The following ZNG1F variants were observed in gnomAD, a reference collection of about 807,000 sequenced individuals.
ZNG1F encodes Zn regulated GTPase metalloprotein activator 1F, also known as zinc-regulated GTPase metalloprotein activator 1F.
chr9:41,203,292 T>C, the ZNG1F span, among the ~76,000 whole-genome samples: 7 of 152,302 alleles, frequency 4.6e-5, no homozygotes, highest in South Asian at 2.1e-4. Context: ...ATACTCTAGC[T>C]CACAGTTGAT....
chr9:41,150,266 G>T, the ZNG1F span, among the ~76,000 whole-genome samples: 1 of 149,702 alleles, frequency 6.7e-6, no homozygotes, highest in Non-Finnish European at 1.5e-5. Flanking sequence ...TTTTCTGACG[G>T]GCTTAAAAAA....
At chr9:41,165,245 A>AGTGATTC in the ZNG1F span, among the ~76,000 whole-genome samples, 1 of 67,192 alleles carries the variant, frequency 1.5e-5, no homozygotes. Flanking sequence ...GCTCTATAGG[A>AGTGATTC]GTGATTCAGT....
At chr9:41,203,124 CA>C in the ZNG1F span, among the ~76,000 whole-genome samples, 4 of 152,252 alleles carry the variant, frequency 2.6e-5, no homozygotes, top group Non-Finnish European at 5.9e-5. Flanking sequence ...CTCTGTGCAT[CA>C]CTTCAGGAGG....
At chr9:41,144,599 T>C in the ZNG1F span, among the ~76,000 whole-genome samples, 5 of 147,918 alleles carry the variant, frequency 3.4e-5, no homozygotes, top group Non-Finnish European at 7.5e-5. Flanking sequence ...CCAACAGCAA[T>C]TCAAAAATTG....
the ZNG1F span, chr9:41,183,678 C>A: frequency 6.2e-7 from 1 of 1,606,316 alleles, no homozygotes; most frequent in Non-Finnish European, 8.5e-7. Context: ...AAATAACAAA[C>A]AATAAATAAA....
chr9:41,145,958 AT>A, the ZNG1F span: 101 of 119,876 alleles, frequency 8.4e-4, 1 homozygote, highest in Non-Finnish European at 7.6e-4. Flanking sequence ...TGTAGCATAC[AT>A]TTCAACACTG....
chr9:41,152,345 C>T, the ZNG1F span, among the ~76,000 whole-genome samples: 2 of 149,588 alleles, frequency 1.3e-5, no homozygotes, highest in African/African-American at 2.5e-5. Flanking sequence ...CACCCAGATT[C>T]ATAAAGCAAG....
the ZNG1F span, chr9:41,183,713 A>G: frequency 6.2e-7 from 1 of 1,604,958 alleles, no homozygotes; most frequent in East Asian, 2.3e-5. Flanking sequence ...TATGTCCATT[A>G]GCCAACAAAA....
At chr9:41,149,671 G>A in the ZNG1F span, among the ~76,000 whole-genome samples, 3 of 150,236 alleles carry the variant, frequency 2.0e-5, no homozygotes. Context: ...CAGGGGCTAT[G>A]AAGACAGGGA....
At chr9:41,155,378 G>C in the ZNG1F span, among the ~76,000 whole-genome samples, 3 of 148,294 alleles carry the variant, frequency 2.0e-5, no homozygotes, top group African/African-American at 7.5e-5. Context: ...AGGATGTGGA[G>C]AAATAGGAAC....
chr9:41,187,426 C>G, the ZNG1F span, among the ~76,000 whole-genome samples: 1 of 130,442 alleles, frequency 7.7e-6, no homozygotes, highest in South Asian at 2.7e-4. Flanking sequence ...CACTTGGCAC[C>G]TTTGAAGTAA....
the ZNG1F span, among the ~76,000 whole-genome samples, chr9:41,175,195 A>G: frequency 2.7e-5 from 4 of 148,402 alleles, 1 homozygote; most frequent in East Asian, 7.9e-4. Flanking sequence ...CCCAAGCATC[A>G]CTCTGTGTCA....
chr9:41,187,271 G>C, the ZNG1F span, among the ~76,000 whole-genome samples: 1 of 131,324 alleles, frequency 7.6e-6, no homozygotes. Context: ...AGGGGGGAAT[G>C]GAGGGGAATT....
the ZNG1F span, chr9:41,171,858 C>T: frequency 1.8e-5 from 4 of 220,450 alleles, no homozygotes; most frequent in Admixed American, 1.5e-4. Flanking sequence ...GCTTTGGGCC[C>T]TATCCATATG....
the ZNG1F span, chr9:41,131,596 T>C: frequency 4.6e-5 from 2 of 43,616 alleles, no homozygotes; most frequent in Non-Finnish European, 9.1e-5. Flanking sequence ...TTTGCTACAT[T>C]TTATGTATGC....
the ZNG1F span, among the ~76,000 whole-genome samples, chr9:41,166,445 CAT>C: frequency 0.18 from 21,172 of 116,140 alleles, 1,303 homozygotes; most frequent in South Asian, 0.31. Flanking sequence ...TATTATTATA[CAT>C]ATATATATAT....
At chr9:41,203,033 G>C in the ZNG1F span, among the ~76,000 whole-genome samples, 2 of 152,190 alleles carry the variant, frequency 1.3e-5, no homozygotes, top group Non-Finnish European at 2.9e-5. Context: ...TCCTTCACTT[G>C]GATTTGTCTT....
chr9:41,175,298 T>A, the ZNG1F span, among the ~76,000 whole-genome samples: 1 of 141,038 alleles, frequency 7.1e-6, no homozygotes, highest in African/African-American at 2.7e-5. Context: ...ACCTATTGAT[T>A]TTTTTCCCAA....
the ZNG1F span, among the ~76,000 whole-genome samples, chr9:41,195,614 A>G: frequency 7.0e-6 from 1 of 143,712 alleles, no homozygotes; most frequent in Non-Finnish European, 1.5e-5. Context: ...AAAAAAAAAG[A>G]AAACACCATT....
Sources: allele counts gnomAD v4.1 joint callset (sites outside exome capture counted in the v4.1 genomes callset), GRCh38; gene constraint gnomAD v4.1.1; transcripts MANE v1.5; gene names NCBI Gene and HGNC (gene_info 2026-07-23, HGNC 2026-07-21).